The following DPP10 variants were observed in gnomAD, a reference collection of about 807,000 sequenced individuals.
DPP10 encodes inactive dipeptidyl peptidase 10.
In DPP10, 33 loss-of-function variants were observed where a neutral mutation model predicts 120.9. That is an observed-to-expected ratio of 0.27 (90% CI 0.21 to 0.37). The LOEUF (loss-of-function observed/expected upper bound fraction) is 0.37, where lower values mean the gene tolerates loss of function less well. DPP10 is among the 10% of genes least tolerant of loss of function. DPP10 has a pLI of 1.00. For missense variants in DPP10, 816 were observed against 942.8 expected (o/e 0.87, Z 1.76); for synonymous variants, 337 against 326.1 (o/e 1.03, Z -0.36).
intron 12 of DPP10, among the ~76,000 whole-genome samples, chr2:115,765,982 A>AAAC (rs1383332757): frequency 6.6e-6 from 1 of 152,110 alleles, no homozygotes; most frequent in Non-Finnish European, 1.5e-5. Context: ...AGCTAAAATC[A>AAAC]AACTGTTCAG....
intron 1 of DPP10, among the ~76,000 whole-genome samples, chr2:114,854,970 A>T (rs1185189123): frequency 6.6e-6 from 1 of 152,178 alleles, no homozygotes; most frequent in African/African-American, 2.4e-5. Context: ...ATCTGTGTGA[A>T]ATTGCTGGTC....
intron 1 of DPP10, among the ~76,000 whole-genome samples, chr2:115,177,049 A>G (rs2053739573): frequency 6.6e-6 from 1 of 152,252 alleles, no homozygotes; most frequent in African/African-American, 2.4e-5. Context: ...TCCAAAATGT[A>G]TAATTTAGTT....
At chr2:115,465,558 C>T (rs1234699431) in intron 3 of DPP10, among the ~76,000 whole-genome samples, 2 of 152,132 alleles carry the variant, frequency 1.3e-5, no homozygotes, top group Admixed American at 6.5e-5. Flanking sequence ...CATGGTGGCT[C>T]ACGCCTGTAA....
chr2:115,789,737 C>G (rs1472960086), intron 17 of DPP10, among the ~76,000 whole-genome samples: 1 of 152,270 alleles, frequency 6.6e-6, no homozygotes, highest in Non-Finnish European at 1.5e-5. Context: ...ACACAATAAA[C>G]TATTGAAAAT....
At chr2:115,429,316 T>C (rs2070761899) in intron 3 of DPP10, among the ~76,000 whole-genome samples, 1 of 152,274 alleles carries the variant, frequency 6.6e-6, no homozygotes, top group African/African-American at 2.4e-5. Flanking sequence ...TATTTATTAA[T>C]ATACTCCTTG....
intron 1 of DPP10, among the ~76,000 whole-genome samples, chr2:115,179,735 G>A (rs2105131210): frequency 6.6e-6 from 1 of 152,114 alleles, no homozygotes; most frequent in Non-Finnish European, 1.5e-5. Flanking sequence ...TCTAAACTTG[G>A]CAAATTTATT....
chr2:114,490,277 T>C (rs1006892396), intron 1 of DPP10, among the ~76,000 whole-genome samples: 1 of 152,196 alleles, frequency 6.6e-6, no homozygotes, highest in African/African-American at 2.4e-5. Flanking sequence ...AAATGAGCTT[T>C]CTATTGGTGG....
chr2:115,016,434 A>G (rs944535157), intron 1 of DPP10, among the ~76,000 whole-genome samples: 4 of 152,220 alleles, frequency 2.6e-5, no homozygotes, highest in African/African-American at 4.8e-5. Flanking sequence ...CATTCAGGAT[A>G]TAGGCATGGG....
At chr2:114,756,632 G>T (rs757504840) in intron 1 of DPP10, among the ~76,000 whole-genome samples, 1 of 152,154 alleles carries the variant, frequency 6.6e-6, no homozygotes, top group Non-Finnish European at 1.5e-5. Context: ...GCAGACAAAT[G>T]ACACAGTCTC....
intron 1 of DPP10, among the ~76,000 whole-genome samples, chr2:115,259,494 AAAAAG>A (rs1454607766): frequency 6.6e-6 from 1 of 152,002 alleles, no homozygotes; most frequent in Non-Finnish European, 1.5e-5. Flanking sequence ...CAAAAAAAAA[AAAAAG>A]AAAGAAAGAA....
intron 1 of DPP10, among the ~76,000 whole-genome samples, chr2:114,457,191 A>G (rs1178777115): frequency 6.6e-6 from 1 of 152,190 alleles, no homozygotes; most frequent in Non-Finnish European, 1.5e-5. Flanking sequence ...GTCAATACAA[A>G]TAAACTATAT....
chr2:115,778,428 TC>T (rs1682382685), intron 15 of DPP10, among the ~76,000 whole-genome samples: 1 of 151,960 alleles, frequency 6.6e-6, no homozygotes, highest in African/African-American at 2.4e-5. Flanking sequence ...AAAACTATAC[TC>T]AAAAAAAGGC....
intron 21 of DPP10, among the ~76,000 whole-genome samples, chr2:115,830,154 G>A (rs1347266750): frequency 2.6e-5 from 4 of 151,946 alleles, no homozygotes; most frequent in East Asian, 1.9e-4. Flanking sequence ...TCAGGAGTTC[G>A]AGAACAGCCT....
chr2:114,664,876 TAGAGCATCCAAAAGATGGCAG>T (rs1558982627), intron 1 of DPP10, among the ~76,000 whole-genome samples: 37 of 143,072 alleles, frequency 2.6e-4, no homozygotes, highest in African/African-American at 4.8e-4. Flanking sequence ...AAAGATGGCA[TAGAGCATCCAAAAGATGGCAG>T]AGAGCATCCA....
At chr2:114,789,255 T>C (rs906079492) in intron 1 of DPP10, among the ~76,000 whole-genome samples, 5 of 152,192 alleles carry the variant, frequency 3.3e-5, no homozygotes, top group African/African-American at 1.2e-4. Context: ...CTTACCAGAG[T>C]AACAGGGGAA....
At chr2:115,260,931 C>T (rs1160062169) in intron 1 of DPP10, among the ~76,000 whole-genome samples, 1 of 152,142 alleles carries the variant, frequency 6.6e-6, no homozygotes, top group East Asian at 1.9e-4. Context: ...ACTCTCAAAG[C>T]TAAACATGGA....
chr2:114,924,562 A>G (rs1695456009), intron 1 of DPP10, among the ~76,000 whole-genome samples: 1 of 151,926 alleles, frequency 6.6e-6, no homozygotes, highest in Non-Finnish European at 1.5e-5. Flanking sequence ...AAGGAAAAAA[A>G]AGCCCTTAGG....
intron 17 of DPP10, among the ~76,000 whole-genome samples, chr2:115,786,107 C>T (rs962856858): frequency 1.3e-5 from 2 of 151,978 alleles, no homozygotes; most frequent in South Asian, 4.2e-4. Flanking sequence ...TGAGGTTACA[C>T]ATAGACAGCG....
chr2:115,571,785 T>C (rs1284913229), intron 5 of DPP10, among the ~76,000 whole-genome samples: 16 of 150,914 alleles, frequency 1.1e-4, no homozygotes, highest in East Asian at 4.0e-4. Flanking sequence ...AAATCACCCA[T>C]AGTCTCAAAA....
Sources: gnomAD v4.1 joint callset for allele counts (sites outside exome capture counted in the v4.1 genomes callset) on GRCh38, gnomAD v4.1.1 for gene constraint, MANE v1.5 for transcripts, NCBI Gene and HGNC (gene_info 2026-07-23, HGNC 2026-07-21) for gene names.